The following MBTPS1 variants were observed in gnomAD, a reference collection of about 807,000 sequenced individuals.
The protein encoded by MBTPS1 is membrane-bound transcription factor site-1 protease.
A neutral mutation model predicts 127.8 loss-of-function variants in MBTPS1; 94 were observed. The ratio of observed to expected loss-of-function variants is 0.74; its 90% CI spans 0.62 to 0.87. The LOEUF (loss-of-function observed/expected upper bound fraction) is 0.87, where lower values mean the gene tolerates loss of function less well. Ranked by LOEUF, MBTPS1 falls within the 40% of genes least tolerant of loss-of-function variation. The pLI is 0.00. For synonymous variants in MBTPS1, 632 were observed against 509.4 expected, an observed-to-expected ratio of 1.24 and a Z score of -3.24; for missense variants, 1,636 against 1,353.2, an observed-to-expected ratio of 1.21 and a Z score of -3.28.
At chr16:84,108,786 G>A (rs1458391994) in intron 1 of MBTPS1, among the ~76,000 whole-genome samples, 3 of 152,158 alleles carry the variant, frequency 2.0e-5, no homozygotes, top group Admixed American at 2.0e-4. Context: ...GCAGGCAGTG[G>A]GGTGATAGCA....
At chr16:84,069,190 G>A (rs1460583675) in intron 14 of MBTPS1, among the ~76,000 whole-genome samples, 1 of 152,206 alleles carries the variant, frequency 6.6e-6, no homozygotes. Context: ...TTTCAGCATG[G>A]AGTTCAAACG....
intron 11 of MBTPS1, 38 bp from the exon 12 acceptor site, chr16:84,074,779 A>C: frequency 6.4e-7 from 1 of 1,574,126 alleles, no homozygotes; most frequent in South Asian, 1.1e-5. Flanking sequence ...AGATCATATG[A>C]GAAAACTACA....
At chr16:84,055,092 G>C (rs903290566) in intron 22 of MBTPS1, among the ~76,000 whole-genome samples, 2 of 152,236 alleles carry the variant, frequency 1.3e-5, no homozygotes, top group Non-Finnish European at 2.9e-5. Flanking sequence ...ACCGCTGGCA[G>C]TGCCCCGCCT....
At chr16:84,084,909 G>A (rs116279066) in intron 10 of MBTPS1, 74 bp downstream of exon 10, 35,440 of 1,506,080 alleles carry the variant, frequency 0.024, 544 homozygotes, top group Middle Eastern at 0.064. Flanking sequence ...AGCAAGACAC[G>A]ACTCCTGCTC....
intron 4 of MBTPS1, 91 bp from the exon 5 acceptor site, chr16:84,093,912 C>T (rs1201206284): frequency 1.1e-6 from 1 of 910,282 alleles, no homozygotes; most frequent in Admixed American, 2.0e-5. Context: ...CTGGGACCCA[C>T]AGAAAATGAC....
Position 84,063,309 on chromosome 16 carries a change from C to CT in MBTPS1, c.2567dup (p.Lys857GlufsTer22). The CT allele has an allele frequency of 6.2e-7, 1 of 1,608,450 alleles. No homozygotes were observed. Among genetic ancestry groups the CT allele is most frequent in the Non-Finnish European group, 8.5e-7 (1 of 1,175,536 alleles). On this transcript the variant is annotated frameshift_variant, in exon 19 of 23. Transcript: ENST00000343411. LOFTEE classifies it high-confidence loss of function. ...GTCCATCTGCGTTTTTCCTACCCTT[C>CT]TGTCGGTGACTGTCATCCAAGCAAT...
chr16:84,072,954 G>C (rs894211621), intron 12 of MBTPS1, among the ~76,000 whole-genome samples: 16 of 152,150 alleles, frequency 1.1e-4, no homozygotes, highest in Admixed American at 3.3e-4. Flanking sequence ...AGCAAATCCA[G>C]GGAGTTTATG....
intron 11 of MBTPS1, 62 bp downstream of exon 11, chr16:84,081,685 G>A: frequency 4.9e-6 from 6 of 1,236,310 alleles, no homozygotes; most frequent in African/African-American, 1.5e-5. Flanking sequence ...TTGTGCAGAG[G>A]GAAAATTCGC....
At chr16:84,113,051 G>C (rs190520116) in intron 1 of MBTPS1, among the ~76,000 whole-genome samples, 38 of 151,304 alleles carry the variant, frequency 2.5e-4, no homozygotes, top group Non-Finnish European at 5.9e-5. Context: ...ATATATGCTA[G>C]ATTTAATTTT....
intron 9 of MBTPS1, 108 bp from the exon 10 acceptor site, chr16:84,085,242 TA>T: frequency 8.9e-7 from 1 of 1,122,262 alleles, no homozygotes. Context: ...TTAAAAACTG[TA>T]TAACCTTAGG....
intron 16 of MBTPS1, among the ~76,000 whole-genome samples, 195 bp downstream of exon 16, chr16:84,067,472 C>T (rs936471692): frequency 6.6e-6 from 1 of 152,192 alleles, no homozygotes; most frequent in African/African-American, 2.4e-5. Flanking sequence ...CCCAACTCAG[C>T]CTTCCAAAGT....
chr16:84,074,730 C>A lies in MBTPS1; in HGVS notation c.1460G>T (p.Ser487Ile). The change falls in exon 12 of 23, where the codon AGC becomes ATC. Residue 487 changes from serine to isoleucine, a missense_variant. By Grantham distance (142) the Ser-to-Ile change is moderately radical. Transcript: ENST00000343411. ...GGGACACTCAGTCAGATCTATGTAG[C>A]TGGGGCTCAAACTGAAATAAAGAAT... ...SYKPQASLSP[S>I]YIDLTECPYM... 1 of 1,613,058 alleles carries A rather than the reference C, an allele frequency of 6.2e-7. No homozygotes were observed. Among genetic ancestry groups the A allele is most frequent in the Non-Finnish European group, 8.5e-7 (1 of 1,179,622 alleles).
At chr16:84,105,439 C>A (rs2086309878) in intron 1 of MBTPS1, among the ~76,000 whole-genome samples, 1 of 152,102 alleles carries the variant, frequency 6.6e-6, no homozygotes, top group South Asian at 2.1e-4. Flanking sequence ...TGAACTGACA[C>A]ACAGTTCTCT....
At position 84,068,343 on chromosome 16, in the gene MBTPS1, C is replaced by T; in HGVS notation, c.2067G>A (p.Gln689=). 2 of 1,601,722 alleles carry T rather than the reference C, an allele frequency of 1.2e-6. No individual in the cohort carries two copies. The highest frequency in any genetic ancestry group is 1.7e-6 in the Non-Finnish European group (2 of 1,168,712). The change falls in exon 15 of 23, where the codon CAG becomes CAA. Residue 689 remains glutamine (Q), a synonymous_variant. Coordinates refer to ENST00000343411, the MANE Select transcript of MBTPS1 (RefSeq NM_003791.4). ...GAPFTCFDAS[Q]YGTLLMVDSE... ...TAGCACAGCAGTGCCACTTACCATA[C>T]TGACTGGCATCAAAACACGTGAAGG...
In MBTPS1 at chr16:84,070,715, G is replaced by T. The variant is rs778498071; in HGVS notation, c.1655C>A (p.Ser552Tyr). 61 of 1,614,008 alleles carry T rather than the reference G, an allele frequency of 3.8e-5. No homozygotes were observed. Among genetic ancestry groups the T allele is most frequent in the Non-Finnish European group, 4.9e-5 (58 of 1,180,018 alleles). Residue 552 changes from serine to tyrosine, a missense_variant, in exon 13 of 23, where the codon TCC becomes TAC. Ser to Tyr is a moderately radical substitution (Grantham distance 144). Coordinates refer to ENST00000343411, the MANE Select transcript of MBTPS1 (RefSeq NM_003791.4). The part of the protein sequence containing the change: ...GDNIEVAFSY[S>Y]SVLWPWSGYL... ...GCCCGACCAAGGCCATAAGACCGAG[G>T]AGTAGGAGAAGGCAACTTCAATGTT...
chr16:84,086,395 A>G, intron 9 of MBTPS1: 1 of 152,618 alleles, frequency 6.6e-6, no homozygotes, highest in Non-Finnish European at 1.5e-5. Context: ...GAACATGCTG[A>G]GGGAGCGTGG....
intron 2 of MBTPS1, 62 bp from the exon 3 acceptor site, chr16:84,099,372 A>G: frequency 6.7e-7 from 1 of 1,502,644 alleles, no homozygotes; most frequent in Non-Finnish European, 8.9e-7. Flanking sequence ...CATATACTAT[A>G]TTGTATCTAA....
chr16:84,085,219 A>G, intron 9 of MBTPS1, 85 bp from the exon 10 acceptor site: 1 of 1,337,454 alleles, frequency 7.5e-7, no homozygotes, highest in Non-Finnish European at 1.1e-6. Flanking sequence ...ATCAGAACAG[A>G]GATATGGGTT....
chr16:84,058,412 G>C (rs2085551789), intron 21 of MBTPS1, among the ~76,000 whole-genome samples: 1 of 152,200 alleles, frequency 6.6e-6, no homozygotes, highest in Non-Finnish European at 1.5e-5. Flanking sequence ...CCTCCTGCCT[G>C]AGGGGCTGGG....
Sources: allele counts gnomAD v4.1 joint callset (sites outside exome capture counted in the v4.1 genomes callset), GRCh38; gene constraint gnomAD v4.1.1; transcripts MANE v1.5; gene names NCBI Gene and HGNC (gene_info 2026-07-23, HGNC 2026-07-21).